ACADL: variants seen among roughly 807,000 people sequenced by gnomAD.
ACADL encodes acyl-CoA dehydrogenase long chain, also known as long-chain specific acyl-CoA dehydrogenase, mitochondrial.
A neutral mutation model predicts 56.9 loss-of-function variants in ACADL; 60 were observed. The ratio of observed to expected loss-of-function variants is 1.05; its 90% CI spans 0.86 to 1.31. The LOEUF is 1.31. Among genes scored for constraint, ACADL ranks in the 50% most tolerant of loss-of-function variants. ACADL has a pLI of 0.00. For synonymous variants in ACADL, 158 were observed against 179.7 expected, an observed-to-expected ratio of 0.88 and a Z score of 0.97; for missense variants, 484 against 525.5, an observed-to-expected ratio of 0.92 and a Z score of 0.77.
intron 8 of ACADL, among the ~76,000 whole-genome samples, chr2:210,198,638 G>A (rs868585665): frequency 2.4e-4 from 36 of 152,080 alleles, no homozygotes; most frequent in Non-Finnish European, 1.5e-5. Context: ...GGTAAAGAGT[G>A]TAGGTTCTGG....
chr2:210,209,044 C>T (rs1688938844), intron 5 of ACADL, among the ~76,000 whole-genome samples: 1 of 152,176 alleles, frequency 6.6e-6, no homozygotes, highest in Non-Finnish European at 1.5e-5. Flanking sequence ...AACAAGCCTT[C>T]TATATGTGAG....
At chr2:210,204,743 G>T in intron 6 of ACADL, 61 bp from the exon 7 acceptor site, 1 of 1,276,238 alleles carries the variant, frequency 7.8e-7, no homozygotes, top group Non-Finnish European at 1.1e-6. Flanking sequence ...ATAACCCAGT[G>T]AATATTGAAG....
At chr2:210,200,146 T>A (rs533450293) in intron 8 of ACADL, among the ~76,000 whole-genome samples, 1 of 123,826 alleles carries the variant, frequency 8.1e-6, no homozygotes, top group Non-Finnish European at 1.9e-5. Context: ...GTTGAGAAAA[T>A]CAGAGTGATA....
intron 4 of ACADL, among the ~76,000 whole-genome samples, chr2:210,215,010 T>C (rs1157991191): frequency 6.6e-6 from 1 of 152,210 alleles, no homozygotes; most frequent in Non-Finnish European, 1.5e-5. Flanking sequence ...TAAATAACAC[T>C]GTCAGAAAAG....
chr2:210,222,931 C>T (rs1415793566), intron 1 of ACADL, among the ~76,000 whole-genome samples: 1 of 152,110 alleles, frequency 6.6e-6, no homozygotes, highest in African/African-American at 2.4e-5. Context: ...ATAGATTTTC[C>T]ATACTTGAGA....
intron 5 of ACADL, among the ~76,000 whole-genome samples, chr2:210,209,392 T>G (rs1270609804): frequency 6.6e-6 from 1 of 152,190 alleles, no homozygotes; most frequent in East Asian, 1.9e-4. Context: ...CCCTCATTGA[T>G]ATCAGAGATC....
At chr2:210,205,457 A>G (rs1003266869) in intron 6 of ACADL, among the ~76,000 whole-genome samples, 175 bp downstream of exon 6, 1 of 152,228 alleles carries the variant, frequency 6.6e-6, no homozygotes, top group African/African-American at 2.4e-5. Flanking sequence ...GCTGACCATC[A>G]GAAAGATAGA....
chr2:210,196,908 C>T (rs1688718519), intron 8 of ACADL, among the ~76,000 whole-genome samples: 1 of 152,168 alleles, frequency 6.6e-6, no homozygotes. Flanking sequence ...GCTGTGTTCT[C>T]AAAGGAGGGT....
intron 2 of ACADL, among the ~76,000 whole-genome samples, 179 bp from the exon 3 acceptor site, chr2:210,218,281 T>C (rs1444540574): frequency 1.5e-5 from 2 of 133,958 alleles, no homozygotes; most frequent in African/African-American, 2.7e-5. Context: ...CCTCCTTTTT[T>C]CTGCTTTTTT....
At chr2:210,214,226 T>C (rs1165620608) in intron 4 of ACADL, among the ~76,000 whole-genome samples, 1 of 152,090 alleles carries the variant, frequency 6.6e-6, no homozygotes, top group African/African-American at 2.4e-5. Context: ...TCAATCCATC[T>C]CTGAGGGCAG....
At chr2:210,217,937 A>G in intron 3 of ACADL, 28 bp downstream of exon 3, 1 of 1,613,560 alleles carries the variant, frequency 6.2e-7, no homozygotes, top group Non-Finnish European at 8.5e-7. Flanking sequence ...ACAAAACAAG[A>G]CTCAACCTTA....
In ACADL at chr2:210,204,784, AC is replaced by A. The variant is rs1484615130; in HGVS notation, c.769-103del. ...ATTATTTTTTCCAAAAAAACAAAAC[AC>A]AAATTGGAAGCCAAGTTGGAGTAGT... is the stretch of plus-strand genomic sequence containing the variant. On this transcript the variant is annotated intron_variant, in intron 6 of 10. Coordinates refer to ENST00000233710, the MANE Select transcript of ACADL (RefSeq NM_001608.4). 3 of 1,001,174 alleles carry A rather than the reference AC, an allele frequency of 3.0e-6. No homozygotes were observed. In the Admixed American group the frequency reaches 5.8e-5, roughly 19 times the overall value. 62.0% of individuals were successfully genotyped at this position (1,001,174 alleles called of 1,614,324 possible).
intron 1 of ACADL, among the ~76,000 whole-genome samples, chr2:210,222,717 T>C (rs1013722144): frequency 1.3e-5 from 2 of 152,092 alleles, no homozygotes; most frequent in Non-Finnish European, 2.9e-5. Context: ...AAGGAGGCAA[T>C]TGTAGCCAGA....
At chr2:210,201,611 C>T (rs79293046) in intron 8 of ACADL, among the ~76,000 whole-genome samples, 8,231 of 152,154 alleles carry the variant, frequency 0.054, 326 homozygotes, top group Non-Finnish European at 0.08. Context: ...TCTGAAAAGC[C>T]ACCAAGTTGT....
intron 8 of ACADL, among the ~76,000 whole-genome samples, chr2:210,199,536 A>G (rs1326023497): frequency 8.5e-5 from 13 of 152,102 alleles, no homozygotes; most frequent in Admixed American, 7.9e-4. Context: ...CCACTTTCCT[A>G]TTTCCTTCAT....
At chr2:210,221,355 T>C (rs1435799238) in intron 1 of ACADL, among the ~76,000 whole-genome samples, 2 of 152,112 alleles carry the variant, frequency 1.3e-5, no homozygotes, top group Non-Finnish European at 2.9e-5. Flanking sequence ...TTCTGTAAAA[T>C]GGAATTATTT....
intron 5 of ACADL, among the ~76,000 whole-genome samples, chr2:210,208,139 A>G (rs980774720): frequency 6.6e-6 from 1 of 152,206 alleles, no homozygotes; most frequent in African/African-American, 2.4e-5. Context: ...TTTGCATCAC[A>G]CAGCATCCAG....
At chr2:210,197,661 T>C (rs1033121021) in intron 8 of ACADL, among the ~76,000 whole-genome samples, 3 of 152,136 alleles carry the variant, frequency 2.0e-5, no homozygotes, top group Non-Finnish European at 4.4e-5. Context: ...TCTCAAGATA[T>C]TTTTTTGCCT....
At chr2:210,205,862 G>A in intron 5 of ACADL, 66 bp from the exon 6 acceptor site, 1 of 1,587,650 alleles carries the variant, frequency 6.3e-7, no homozygotes, top group Non-Finnish European at 8.6e-7. Flanking sequence ...AGTTATGATT[G>A]GGAGAAAGTA....
Sources: allele counts gnomAD v4.1 joint callset (sites outside exome capture counted in the v4.1 genomes callset), GRCh38; gene constraint gnomAD v4.1.1; transcripts MANE v1.5; gene names NCBI Gene and HGNC (gene_info 2026-07-23, HGNC 2026-07-21).